Variants in DMD observed in about 807,000 individuals in gnomAD.
The protein encoded by DMD is mutant dystrophin.
DMD carries 63 observed loss-of-function variants against 330.1 expected under a neutral mutation model. That is an observed-to-expected ratio of 0.19 (90% CI 0.16 to 0.24). DMD has a LOEUF of 0.24. Among genes scored for constraint, DMD ranks in the 10% least tolerant of loss-of-function variants. The pLI is 1.00. For missense variants in DMD, 3,344 were observed against 2,684.1 expected (o/e 1.25, Z -5.43); for synonymous variants, 1,223 against 959.8 (o/e 1.27, Z -5.07).
intron 12 of DMD, among the ~76,000 whole-genome samples, chrX:32,598,263 A>G (rs1485433332): frequency 3.6e-5 from 4 of 111,983 alleles, no homozygotes; most frequent in African/African-American, 1.3e-4. Flanking sequence ...TGCCTTTGAC[A>G]TTCCAGAGCT....
At position 32,872,063 on chromosome X, in the gene DMD, G is replaced by A. The variant is rs12854575; in HGVS notation, c.94-22243C>T. On this transcript the variant is annotated intron_variant, in intron 2 of 78. Coordinates refer to ENST00000357033, the MANE Select transcript of DMD (RefSeq NM_004006.3). ...AGGGCTTGACTGGATCCCAGTCATCGTTGGTGGTGACATGGGGATAGAGAC... is the reference window on the plus strand; with the variant it reads ...AGGGCTTGACTGGATCCCAGTCATCATTGGTGGTGACATGGGGATAGAGAC... Among the ~76,000 whole-genome samples the A allele has an allele frequency of 4.3e-3, 482 of 111,373 alleles. 2 individuals carry two copies. Among genetic ancestry groups the A allele is most frequent in the Non-Finnish European group, 6.9e-3 (368 of 53,024 alleles).
At chrX:32,762,488 T>C (rs2072449812) in intron 7 of DMD, among the ~76,000 whole-genome samples, 1 of 111,044 alleles carries the variant, frequency 9.0e-6, no homozygotes. Flanking sequence ...ACAAGGTAAT[T>C]TCAGATAATG....
At chrX:32,958,181 T>C (rs183054043) in intron 2 of DMD, among the ~76,000 whole-genome samples, 1 of 111,515 alleles carries the variant, frequency 9.0e-6, no homozygotes, top group Non-Finnish European at 1.9e-5. Flanking sequence ...CAAGTGGTGA[T>C]CTGAGTGGTA....
At chrX:32,971,717 G>A (rs2092388294) in intron 2 of DMD, among the ~76,000 whole-genome samples, 1 of 109,963 alleles carries the variant, frequency 9.1e-6, no homozygotes, top group Non-Finnish European at 1.9e-5. Flanking sequence ...AATTTTCTAT[G>A]TTCTATGTTC....
At chrX:31,524,125 T>A (rs1376221361) in intron 55 of DMD, among the ~76,000 whole-genome samples, 1 of 112,067 alleles carries the variant, frequency 8.9e-6, no homozygotes, top group African/African-American at 3.2e-5. Flanking sequence ...GCTCTGAGGT[T>A]GGGGAGAAAA....
At chrX:32,994,996 C>T (rs1427747138) in intron 2 of DMD, among the ~76,000 whole-genome samples, 3 of 111,364 alleles carry the variant, frequency 2.7e-5, no homozygotes, top group African/African-American at 6.5e-5. Flanking sequence ...ACCTGTAGTC[C>T]CAGCTACTTG....
At chrX:31,252,060 G>C (rs1204564710) in intron 63 of DMD, among the ~76,000 whole-genome samples, 1 of 111,859 alleles carries the variant, frequency 8.9e-6, no homozygotes, top group Non-Finnish European at 1.9e-5. Flanking sequence ...ATTTGAACAA[G>C]AAAAAATATT....
chrX:31,613,908 G>T (rs1350218052), intron 55 of DMD, among the ~76,000 whole-genome samples: 1 of 111,508 alleles, frequency 9.0e-6, no homozygotes, highest in African/African-American at 3.3e-5. Flanking sequence ...TTCCACTACG[G>T]GTATATATTG....
chrX:31,725,998 G>A (rs762672514), intron 52 of DMD, among the ~76,000 whole-genome samples: 1 of 112,013 alleles, frequency 8.9e-6, no homozygotes, highest in Non-Finnish European at 1.9e-5. Context: ...TCTGCTTTTG[G>A]TCCCCTGACC....
chrX:32,604,000 G>A (rs993935133), intron 12 of DMD, among the ~76,000 whole-genome samples: 8 of 110,772 alleles, frequency 7.2e-5, no homozygotes, highest in Admixed American at 1.9e-4. Flanking sequence ...TTAATTCTAC[G>A]AAGCCAGTAT....
rs377352261 is a variant in DMD at position 33,037,184 on chromosome X, G to A, written c.32-16984C>T. ...TGGTATAAGTTATTTGTAGCCAAGT[G>A]TCCTAATTAATACTCAAGTAATAAG... On this transcript the variant is annotated intron_variant, in intron 1 of 78. Transcript: ENST00000357033. Among the ~76,000 whole-genome samples the A allele has an allele frequency of 2.7e-5, 3 of 111,525 alleles. No individual in the cohort carries two copies. The East Asian group carries it at 8.5e-4, about 32-fold the overall frequency.
rs775591219 is a variant in DMD, at chrX:32,463,544, A to G, written c.3327T>C (p.Asn1109=). 11 of 1,199,673 alleles carry G rather than the reference A, an allele frequency of 9.2e-6. No individual in the cohort carries two copies. In the Admixed American group the frequency reaches 2.0e-4, roughly 22 times the overall value. The part of the protein sequence containing the change: ...QTIQPSLNSV[N]EGGQKIKNEA... ...CATTCTTTATCTTCTGCCCACCTTC[A>G]TTGACACTGTTTAGACTGGGCTGAA... The change falls in exon 25 of 79, where the codon AAT becomes AAC. Residue 1109 remains asparagine, a synonymous_variant. Transcript: ENST00000357033.
intron 55 of DMD, among the ~76,000 whole-genome samples, chrX:31,528,180 T>G (rs2073391690): frequency 1.1e-5 from 1 of 94,127 alleles, no homozygotes; most frequent in Admixed American, 1.3e-4. Context: ...AGAACATACT[T>G]TACAAGACAC....
chrX:31,399,401 G>A (rs1283956607), intron 60 of DMD, among the ~76,000 whole-genome samples: 4 of 92,652 alleles, frequency 4.3e-5, no homozygotes, highest in African/African-American at 1.6e-4. Context: ...TCCTCCTTCT[G>A]CCAGCTGAGC....
chrX:31,744,616 G>A (rs772644133), intron 51 of DMD, among the ~76,000 whole-genome samples: 1 of 112,040 alleles, frequency 8.9e-6, no homozygotes, highest in African/African-American at 3.2e-5. Flanking sequence ...AATCATAAGT[G>A]TACTAAAATA....
At chrX:32,172,128 A>G (rs1318790421) in intron 44 of DMD, among the ~76,000 whole-genome samples, 2 of 111,771 alleles carry the variant, frequency 1.8e-5, no homozygotes, top group African/African-American at 3.2e-5. Flanking sequence ...GTACTTATTC[A>G]TTTCAGGGAA....
intron 5 of DMD, among the ~76,000 whole-genome samples, chrX:32,821,205 A>T (rs1203527232): frequency 2.7e-5 from 3 of 111,695 alleles, no homozygotes; most frequent in African/African-American, 9.8e-5. Flanking sequence ...GGGGCCAATT[A>T]GGAGAGCAAC....
At chrX:33,317,838 T>A (rs765631361) in intron 1 of DMD, among the ~76,000 whole-genome samples, 11 of 111,653 alleles carry the variant, frequency 9.9e-5, no homozygotes, top group Non-Finnish European at 1.9e-4. Flanking sequence ...AAAACAAGTA[T>A]CCATATTGAA....
chrX:31,477,883 T>C (rs1381037901), intron 59 of DMD, among the ~76,000 whole-genome samples: 13 of 111,601 alleles, frequency 1.2e-4, no homozygotes, highest in Non-Finnish European at 5.6e-5. Flanking sequence ...TTTCTTGCCC[T>C]GTAACTGTTT....
Sources: gnomAD v4.1 joint callset for allele counts (sites outside exome capture counted in the v4.1 genomes callset) on GRCh38, gnomAD v4.1.1 for gene constraint, MANE v1.5 for transcripts, NCBI Gene and HGNC (gene_info 2026-07-23, HGNC 2026-07-21) for gene names.